Variants in DCUN1D4 observed in about 807,000 individuals in gnomAD.
DCUN1D4 encodes defective in cullin neddylation 1 domain containing 4, also known as DCN1-like protein 4.
In DCUN1D4, 22 loss-of-function variants were observed where a neutral mutation model predicts 47.9. The ratio of observed to expected loss-of-function variants is 0.46; its 90% CI spans 0.33 to 0.66. The LOEUF (loss-of-function observed/expected upper bound fraction) is 0.66. DCUN1D4 is among the 30% of genes least tolerant of loss of function. The pLI is 0.02. For synonymous variants in DCUN1D4, 121 were observed against 112.2 expected (o/e 1.08, Z -0.50); for missense variants, 301 against 340.8 (o/e 0.88, Z 0.92).
intron 8 of DCUN1D4, among the ~76,000 whole-genome samples, chr4:51,903,316 G>A (rs926524502): frequency 6.6e-6 from 1 of 152,020 alleles, no homozygotes; most frequent in Non-Finnish European, 1.5e-5. Flanking sequence ...TATTCTTTCG[G>A]TACTGCAGTA....
chr4:51,905,045 C>G, intron 8 of DCUN1D4: 1 of 302,154 alleles, frequency 3.3e-6, no homozygotes, highest in Non-Finnish European at 6.9e-6. Context: ...GCCCCTTTAA[C>G]AGCTCTCTAC....
intron 5 of DCUN1D4, 126 bp downstream of exon 5, chr4:51,877,980 AGAGG>A: frequency 6.1e-5 from 26 of 425,486 alleles, no homozygotes; most frequent in South Asian, 7.8e-5. Context: ...TGTCCCTGTT[AGAGG>A]GAGAGAGGGA....
intron 5 of DCUN1D4, among the ~76,000 whole-genome samples, chr4:51,882,021 G>T (rs533523933): frequency 6.6e-6 from 1 of 152,186 alleles, no homozygotes; most frequent in South Asian, 2.1e-4. Flanking sequence ...GTGTTAGATG[G>T]CAGGGTTATT....
chr4:51,842,017 T>A (rs1177549028), upstream of DCUN1D4, among the ~76,000 whole-genome samples: 2 of 151,726 alleles, frequency 1.3e-5, no homozygotes, highest in Non-Finnish European at 1.5e-5. Context: ...CCTCCGTTAA[T>A]ATCTCGAAAT....
At chr4:51,877,614 G>A in intron 4 of DCUN1D4, 149 bp from the exon 5 acceptor site, 1 of 542,776 alleles carries the variant, frequency 1.8e-6, no homozygotes, top group Non-Finnish European at 3.3e-6. Context: ...AAAAGCTGAA[G>A]CCTGCAAATG....
Position 51,879,994 on chromosome 4 carries a change from C to T in DCUN1D4, c.343+2140C>T, listed in dbSNP as rs148457786. Among the ~76,000 whole-genome samples, 6 of 152,308 alleles carry T rather than the reference C, an allele frequency of 3.9e-5. No individual in the cohort carries two copies. The East Asian group carries it at 7.7e-4, about 20-fold the overall frequency. On this transcript the variant is annotated intron_variant, in intron 5 of 10. Coordinates refer to ENST00000334635, the MANE Select transcript of DCUN1D4 (RefSeq NM_001040402.3). ...TCCTTGAAATCCCTGCTAAGTCCTTCGTTTTAACTGAACCCTTCAAGAAAT... is the reference window on the plus strand; with the variant it reads ...TCCTTGAAATCCCTGCTAAGTCCTTTGTTTTAACTGAACCCTTCAAGAAAT...
intron 1 of DCUN1D4, among the ~76,000 whole-genome samples, chr4:51,847,026 C>G (rs1221568793): frequency 6.6e-6 from 1 of 152,158 alleles, no homozygotes; most frequent in Non-Finnish European, 1.5e-5. Flanking sequence ...TTGGATTGAA[C>G]TGATCTCATG....
rs1734244854 is a variant in DCUN1D4 at position 51,915,492 on chromosome 4, G to A, written c.*1908G>A. On this transcript the variant is annotated 3_prime_UTR_variant, in exon 11 of 11. Transcript: ENST00000334635. ...AACAGCTATTAATACTGATGTGATG[G>A]ATGCATTTGTTTTGCAGTGGTGACT... is the stretch of plus-strand genomic sequence containing the variant. The A allele has an allele frequency of 6.6e-6, 1 of 152,426 alleles. No homozygotes were observed. Among genetic ancestry groups the A allele is most frequent in the Non-Finnish European group, 1.5e-5 (1 of 68,014 alleles). 9.4% of individuals were successfully genotyped at this position (152,426 alleles called of 1,614,324 possible). A position where few individuals can be genotyped will look rare whatever the true frequency, so the allele number is the denominator to read the frequency against.
chr4:51,893,353 T>C (rs1472090252), intron 7 of DCUN1D4, among the ~76,000 whole-genome samples: 1 of 152,158 alleles, frequency 6.6e-6, no homozygotes, highest in Non-Finnish European at 1.5e-5. Context: ...CTCCTTATGA[T>C]TTTAATCCTA....
At chr4:51,844,405 C>T (rs1026622277) in intron 1 of DCUN1D4, 1 of 983,362 alleles carries the variant, frequency 1.0e-6, no homozygotes, top group South Asian at 4.7e-5. Context: ...GCGAGGTCAG[C>T]GCTGGCGCGG....
chr4:51,894,895 AT>A (rs1358727736), intron 7 of DCUN1D4, among the ~76,000 whole-genome samples: 2 of 152,224 alleles, frequency 1.3e-5, no homozygotes, highest in African/African-American at 4.8e-5. Flanking sequence ...ATTCCAGAGA[AT>A]TTTATTTCTC....
chr4:51,843,406 C>T (rs369107322), intron 1 of DCUN1D4, 139 bp downstream of exon 1: 1 of 1,275,614 alleles, frequency 7.8e-7, no homozygotes, highest in African/African-American at 1.6e-5. Context: ...CCTTCCCCTC[C>T]CGGGGCCGGG....
chr4:51,844,073 G>A (rs1304560306), intron 1 of DCUN1D4, among the ~76,000 whole-genome samples: 2 of 148,594 alleles, frequency 1.3e-5, no homozygotes, highest in Non-Finnish European at 3.0e-5. Flanking sequence ...GGAGAAAAAG[G>A]TGGGTAGGAT....
At chr4:51,910,967 G>T (rs1733638213) in intron 8 of DCUN1D4, 103 bp from the exon 9 acceptor site, 2 of 1,131,876 alleles carry the variant, frequency 1.8e-6, no homozygotes, top group Admixed American at 3.5e-5. Context: ...TATGATAAAT[G>T]AGCTGTTTAC....
intron 1 of DCUN1D4, among the ~76,000 whole-genome samples, chr4:51,859,125 G>A (rs1347487186): frequency 6.6e-6 from 1 of 152,178 alleles, no homozygotes; most frequent in Non-Finnish European, 1.5e-5. Flanking sequence ...TGGGGAGCCA[G>A]CAGAATAGGA....
chr4:51,894,884 A>C (rs1275603078), intron 7 of DCUN1D4, among the ~76,000 whole-genome samples: 2 of 152,142 alleles, frequency 1.3e-5, no homozygotes, highest in Non-Finnish European at 2.9e-5. Flanking sequence ...TTATAAATAA[A>C]ATTCCAGAGA....
chr4:51,840,917 C>G (rs1320918723), upstream of DCUN1D4, among the ~76,000 whole-genome samples: 2 of 152,182 alleles, frequency 1.3e-5, no homozygotes, highest in Admixed American at 6.5e-5. Flanking sequence ...ACCTCTAAGT[C>G]TGTTTTCTAC....
chr4:51,873,863 A>G (rs1412319943), intron 3 of DCUN1D4, among the ~76,000 whole-genome samples: 1 of 152,168 alleles, frequency 6.6e-6, no homozygotes, highest in Admixed American at 6.5e-5. Context: ...TGATGTGCCT[A>G]CGTGTATTTT....
intron 1 of DCUN1D4, among the ~76,000 whole-genome samples, chr4:51,863,017 A>G (rs1725316247): frequency 6.6e-6 from 1 of 152,222 alleles, no homozygotes. Flanking sequence ...TCTCAAAAAA[A>G]GGAAAAGAAA....
Sources: gnomAD v4.1 joint callset for allele counts (sites outside exome capture counted in the v4.1 genomes callset) on GRCh38, gnomAD v4.1.1 for gene constraint, MANE v1.5 for transcripts, NCBI Gene and HGNC (gene_info 2026-07-23, HGNC 2026-07-21) for gene names.